The following CNTNAP5 variants were observed in gnomAD, a reference collection of about 807,000 sequenced individuals.
CNTNAP5 encodes contactin associated protein family member 5, also known as contactin-associated protein-like 5.
A neutral mutation model predicts 150.2 loss-of-function variants in CNTNAP5; 72 were observed. That is an observed-to-expected ratio of 0.48 (90% CI 0.40 to 0.58). The LOEUF is 0.58. Among genes scored for constraint, CNTNAP5 ranks in the 20% least tolerant of loss-of-function variants. CNTNAP5 has a pLI of 0.00. For missense variants in CNTNAP5, 1,636 were observed against 1,626.2 expected (o/e 1.01, Z -0.10); for synonymous variants, 672 against 619.8 (o/e 1.08, Z -1.25).
chr2:124,908,170 A>C (rs1402095486), intron 22 of CNTNAP5, among the ~76,000 whole-genome samples: 1 of 152,042 alleles, frequency 6.6e-6, no homozygotes, highest in East Asian at 1.9e-4. Context: ...GAGGAGTTTG[A>C]GACCAGCCTG....
At chr2:124,361,079 C>A (rs895552588) in intron 3 of CNTNAP5, among the ~76,000 whole-genome samples, 1 of 140,522 alleles carries the variant, frequency 7.1e-6, no homozygotes, top group Admixed American at 7.2e-5. Flanking sequence ...TTGCTGATAC[C>A]CTTTCTTCCA....
chr2:124,221,567 G>A (rs573397470), intron 1 of CNTNAP5, 138 bp from the exon 2 acceptor site: 45 of 604,764 alleles, frequency 7.4e-5, no homozygotes, highest in African/African-American at 1.1e-4. Flanking sequence ...AGTAACACAT[G>A]GAAACCGGGA....
chr2:124,776,958 A>G (rs1362606291), intron 17 of CNTNAP5, among the ~76,000 whole-genome samples: 1 of 152,126 alleles, frequency 6.6e-6, no homozygotes, highest in Admixed American at 6.6e-5. Flanking sequence ...CAATTTTTTT[A>G]GGAAACATTA....
At chr2:124,465,109 C>T (rs2104824769) in intron 6 of CNTNAP5, among the ~76,000 whole-genome samples, 1 of 151,766 alleles carries the variant, frequency 6.6e-6, no homozygotes, top group South Asian at 2.1e-4. Flanking sequence ...GAAGTAACAT[C>T]AAAGATTGAA....
intron 19 of CNTNAP5, among the ~76,000 whole-genome samples, chr2:124,801,387 C>T (rs1215542420): frequency 6.6e-6 from 1 of 152,066 alleles, no homozygotes; most frequent in Non-Finnish European, 1.5e-5. Context: ...AGAAGGGAGA[C>T]TTTGACTAAA....
intron 17 of CNTNAP5, among the ~76,000 whole-genome samples, chr2:124,785,690 TG>T (rs1216621849): frequency 6.6e-6 from 1 of 152,060 alleles, no homozygotes; most frequent in Non-Finnish European, 1.5e-5. Flanking sequence ...AAGAAGCTGG[TG>T]GGGTAAGGGG....
chr2:124,184,216 T>A (rs1685275150), intron 1 of CNTNAP5, among the ~76,000 whole-genome samples: 1 of 152,116 alleles, frequency 6.6e-6, no homozygotes, highest in South Asian at 2.1e-4. Flanking sequence ...ATAGGAACAT[T>A]GGATTCGTAT....
At chr2:124,515,860 A>G (rs745479726) in intron 8 of CNTNAP5, among the ~76,000 whole-genome samples, 1 of 152,180 alleles carries the variant, frequency 6.6e-6, no homozygotes, top group Admixed American at 6.5e-5. Context: ...TTGATTAGAG[A>G]AAGAGTAGAT....
intron 13 of CNTNAP5, among the ~76,000 whole-genome samples, chr2:124,665,703 G>A (rs1180253157): frequency 2.6e-5 from 4 of 151,948 alleles, no homozygotes; most frequent in African/African-American, 4.8e-5. Flanking sequence ...TGGCTAACAC[G>A]GTGAAACCCC....
intron 13 of CNTNAP5, among the ~76,000 whole-genome samples, chr2:124,680,195 A>T (rs1679034441): frequency 6.6e-6 from 1 of 151,744 alleles, no homozygotes; most frequent in Non-Finnish European, 1.5e-5. Context: ...GTTCAGCATA[A>T]ATGTCATGTA....
chr2:124,831,600 A>C (rs1682717325), intron 19 of CNTNAP5, among the ~76,000 whole-genome samples: 2 of 150,810 alleles, frequency 1.3e-5, no homozygotes, highest in Admixed American at 1.3e-4. Context: ...TTTAGTCAAA[A>C]TCTAGGAAGC....
At chr2:124,263,677 C>T (rs1398681100) in intron 3 of CNTNAP5, among the ~76,000 whole-genome samples, 1 of 152,124 alleles carries the variant, frequency 6.6e-6, no homozygotes, top group African/African-American at 2.4e-5. Context: ...TCAATTTTGG[C>T]TTTTGTTGCC....
intron 1 of CNTNAP5, among the ~76,000 whole-genome samples, chr2:124,188,561 T>C (rs539126925): frequency 6.6e-6 from 1 of 151,198 alleles, no homozygotes; most frequent in East Asian, 2.0e-4. Context: ...CTACTAAAAA[T>C]ACAAAAAATT....
At chr2:124,253,407 A>C (rs1382134376) in intron 3 of CNTNAP5, among the ~76,000 whole-genome samples, 3 of 152,076 alleles carry the variant, frequency 2.0e-5, no homozygotes, top group Non-Finnish European at 4.4e-5. Flanking sequence ...CTTATCTATA[A>C]ATTTTGGTTA....
At chr2:124,803,008 G>A (rs1321260384) in intron 19 of CNTNAP5, among the ~76,000 whole-genome samples, 1 of 151,796 alleles carries the variant, frequency 6.6e-6, no homozygotes, top group Non-Finnish European at 1.5e-5. Context: ...CCAGCTACTC[G>A]GGAGGCTGAG....
chr2:124,078,209 T>C (rs1682481200), intron 1 of CNTNAP5, among the ~76,000 whole-genome samples: 1 of 152,210 alleles, frequency 6.6e-6, no homozygotes, highest in South Asian at 2.1e-4. Context: ...GAAGATAATA[T>C]GTTTACAACT....
intron 11 of CNTNAP5, among the ~76,000 whole-genome samples, chr2:124,581,173 G>C (rs951067473): frequency 2.6e-5 from 4 of 152,188 alleles, no homozygotes; most frequent in Admixed American, 2.6e-4. Flanking sequence ...CTAACCCTTG[G>C]AGAGAGAATA....
At chr2:124,516,192 T>C (rs998762025) in intron 8 of CNTNAP5, among the ~76,000 whole-genome samples, 1 of 152,180 alleles carries the variant, frequency 6.6e-6, no homozygotes, top group Admixed American at 6.5e-5. Context: ...AGGCTCTAAA[T>C]TGTAGCATAA....
chr2:124,304,630 G>A (rs1350476015), intron 3 of CNTNAP5, among the ~76,000 whole-genome samples: 2 of 152,128 alleles, frequency 1.3e-5, no homozygotes, highest in African/African-American at 4.8e-5. Context: ...ACAATGTTGA[G>A]AGTCAATTGG....
Sources: allele counts gnomAD v4.1 joint callset (sites outside exome capture counted in the v4.1 genomes callset), GRCh38; gene constraint gnomAD v4.1.1; transcripts MANE v1.5; gene names NCBI Gene and HGNC (gene_info 2026-07-23, HGNC 2026-07-21).